The following FAM161A variants were observed in gnomAD, a reference collection of about 807,000 sequenced individuals.
FAM161A encodes the protein FAM161 centrosomal protein A.
Under a neutral mutation model 70.9 loss-of-function variants are expected in FAM161A, and 57 were observed. The ratio of observed to expected loss-of-function variants is 0.80; its 90% CI spans 0.65 to 1.00. FAM161A has a LOEUF of 1.00. Among genes scored for constraint, FAM161A ranks in the 50% least tolerant of loss-of-function variants. The probability of loss-of-function intolerance (pLI) is 0.00; values close to 1 mark genes in which losing one functional copy is unlikely to be tolerated. For synonymous variants in FAM161A, 299 were observed against 295.7 expected, an observed-to-expected ratio of 1.01 and a Z score of -0.12; for missense variants, 880 against 836.0, an observed-to-expected ratio of 1.05 and a Z score of -0.65.
At chr2:61,812,929 C>T in the FAM161A span, among the ~76,000 whole-genome samples, 12 of 151,322 alleles carry the variant, frequency 7.9e-5, no homozygotes, top group African/African-American at 2.7e-4. Flanking sequence ...ATTAGCTGGG[C>T]GTGGTGGCAG....
chr2:61,839,721 G>A lies in FAM161A; in HGVS notation c.1283C>T (p.Thr428Ile). 6.2e-7 allele frequency: 1 copy of A among 1,614,196 alleles called. No homozygotes were observed. Among genetic ancestry groups the A allele is most frequent in the South Asian group, 1.1e-5 (1 of 91,086 alleles). Residue 428 changes from threonine (T) to isoleucine (I), a missense_variant, in exon 3 of 7, where the codon ACT becomes ATT. By Grantham distance (89) the Thr-to-Ile change is moderately conservative (BLOSUM62 -1). Transcript: ENST00000404929. ...LKCKHKVRCP[T>I]PDFEDLPERY... ...CTCAGGAAGGTCCTCAAAATCAGGA[G>A]TTGGGCACCTAACCTTGTGTTTACA... is the stretch of plus-strand genomic sequence containing the variant.
In FAM161A at chr2:61,835,998, A is replaced by G. The variant is rs1672757557; in HGVS notation, c.1851+12T>C. 2 of 1,574,906 alleles carry G rather than the reference A, an allele frequency of 1.3e-6. No homozygotes were observed. Among genetic ancestry groups the G allele is most frequent in the Non-Finnish European group, 8.7e-7 (1 of 1,152,116 alleles). On this transcript the variant is annotated intron_variant, in intron 5 of 6. Transcript: ENST00000404929. Reference sequence around the variant, plus strand: ...AAACTGACGATAGCTCTTAAATTCCAATAAACACAACCTGAGCAACTCTTT... The same window carrying G: ...AAACTGACGATAGCTCTTAAATTCCGATAAACACAACCTGAGCAACTCTTT...
chr2:61,850,465 A>C (rs749341312), intron 1 of FAM161A, among the ~76,000 whole-genome samples: 4 of 152,186 alleles, frequency 2.6e-5, no homozygotes, highest in Non-Finnish European at 4.4e-5. Flanking sequence ...GTATATCGAC[A>C]GTGGAGCCAG....
At chr2:61,821,601 T>C (rs1672204210), downstream of FAM161A, among the ~76,000 whole-genome samples, 1 of 152,028 alleles carries the variant, frequency 6.6e-6, no homozygotes, top group Admixed American at 6.6e-5. Flanking sequence ...GAATATCTTT[T>C]TTTCTTTTTG....
At chr2:61,804,440 G>A in the FAM161A span, among the ~76,000 whole-genome samples, 1 of 152,024 alleles carries the variant, frequency 6.6e-6, no homozygotes, top group Non-Finnish European at 1.5e-5. Flanking sequence ...ACACCAGCAT[G>A]TTGGGAGGTC....
chr2:61,846,375 C>T (rs561308612), intron 1 of FAM161A, among the ~76,000 whole-genome samples: 231 of 152,232 alleles, frequency 1.5e-3, no homozygotes, highest in African/African-American at 5.4e-3. Context: ...TTACTGGTCA[C>T]GTGGTTTCAG....
chr2:61,844,634 G>A (rs1219009275), intron 1 of FAM161A, among the ~76,000 whole-genome samples: 2 of 152,194 alleles, frequency 1.3e-5, no homozygotes, highest in Admixed American at 6.5e-5. Flanking sequence ...AGGAGGTGGA[G>A]GTTGCAGTCA....
chr2:61,826,664 T>C, intron 6 of FAM161A, 65 bp from the exon 7 acceptor site: 4 of 1,366,684 alleles, frequency 2.9e-6, no homozygotes, highest in Non-Finnish European at 4.1e-6. Context: ...AAACAAACCC[T>C]CTGCAAGTAT....
the FAM161A span, among the ~76,000 whole-genome samples, chr2:61,808,840 C>T: frequency 6.6e-6 from 1 of 151,992 alleles, no homozygotes; most frequent in Non-Finnish European, 1.5e-5. Flanking sequence ...ACCAGAAAGA[C>T]CCAATCACTA....
chr2:61,801,802 C>G, the FAM161A span, among the ~76,000 whole-genome samples: 10 of 152,134 alleles, frequency 6.6e-5, no homozygotes, highest in East Asian at 1.6e-3. Context: ...CTCAGGTGAT[C>G]CGCCTGCCTC....
intron 1 of FAM161A, among the ~76,000 whole-genome samples, chr2:61,853,109 A>G (rs1673554276): frequency 6.6e-6 from 1 of 152,022 alleles, no homozygotes; most frequent in East Asian, 1.9e-4. Context: ...ACGGGGTTTC[A>G]CCATGTTGGT....
At chr2:61,815,001 G>C in the FAM161A span, among the ~76,000 whole-genome samples, 1 of 152,198 alleles carries the variant, frequency 6.6e-6, no homozygotes, top group South Asian at 2.1e-4. Flanking sequence ...TGAAGAGTGA[G>C]TGATCAGCTC....
chr2:61,820,408 G>A, downstream of FAM161A: 2 of 757,670 alleles, frequency 2.6e-6, no homozygotes, highest in South Asian at 2.7e-5. Flanking sequence ...GGTGGATGCA[G>A]CCATGAATGC....
At position 61,825,605 on chromosome 2, in the gene FAM161A, A is replaced by T. The variant is rs1022933031; in HGVS notation, c.*850T>A. ...ACAGTAAACTCTCAGTGCAAAAATA[A>T]ATGTAAATTTGCAAGTATCCATTTT... On this transcript the variant is annotated 3_prime_UTR_variant, in exon 7 of 7. Transcript: ENST00000404929. 5 of 442,432 alleles carry T rather than the reference A, an allele frequency of 1.1e-5. No homozygotes were observed. Among genetic ancestry groups the T allele is most frequent in the Non-Finnish European group, 2.2e-5 (5 of 224,048 alleles). The allele number at this position is 442,432 out of a possible 1,614,324, so 27.4% of individuals were successfully genotyped here. A position where few individuals can be genotyped will look rare whatever the true frequency, so the allele number is the denominator to read the frequency against.
the FAM161A span, among the ~76,000 whole-genome samples, chr2:61,819,580 G>A: frequency 0.27 from 41,315 of 152,104 alleles, 5,744 homozygotes; most frequent in African/African-American, 0.32. Flanking sequence ...TAATGTCATT[G>A]ACATTATCTT....
the FAM161A span, among the ~76,000 whole-genome samples, chr2:61,809,417 A>G: frequency 1.3e-5 from 2 of 152,164 alleles, no homozygotes; most frequent in East Asian, 3.8e-4. Flanking sequence ...GAGTATCTCC[A>G]GTCCAGACCT....
intron 2 of FAM161A, among the ~76,000 whole-genome samples, chr2:61,841,451 C>T (rs1673017409): frequency 6.6e-6 from 1 of 152,180 alleles, no homozygotes; most frequent in African/African-American, 2.4e-5. Context: ...TCAGATGTGA[C>T]ACTTTAGTGG....
chr2:61,838,477 G>C lies in FAM161A; in HGVS notation c.1751+61C>G. On this transcript the variant is annotated intron_variant, in intron 4 of 6. Coordinates refer to ENST00000404929, the MANE Select transcript of FAM161A (RefSeq NM_001201543.2). ...ATCTGCTCATATTTTACTATCTACT[G>C]ATTAAAAAAAAAAGAGTTTGAAAAC... 10 of 1,395,058 alleles carry C rather than the reference G, an allele frequency of 7.2e-6. No homozygotes were observed. In the Middle Eastern group the frequency reaches 5.5e-4, roughly 76 times the overall value. 86.4% of individuals were successfully genotyped at this position (1,395,058 alleles called of 1,614,324 possible).
Position 61,826,095 on chromosome 2 carries a change from AC to A in FAM161A, c.*359del. 1 of 470,406 alleles carries A rather than the reference AC, an allele frequency of 2.1e-6. No individual in the cohort carries two copies. Among genetic ancestry groups the A allele is most frequent in the Non-Finnish European group, 4.2e-6 (1 of 238,172 alleles). 29.1% of individuals were successfully genotyped at this position (470,406 alleles called of 1,614,324 possible). On this transcript the variant is annotated 3_prime_UTR_variant, in exon 7 of 7. Coordinates refer to ENST00000404929, the MANE Select transcript of FAM161A (RefSeq NM_001201543.2). ...ATTTTTAAAAAGTAAACCACCAAAG[AC>A]CAATACTTCTCTCTCCTTTCAATAC...
Sources: allele counts gnomAD v4.1 joint callset (sites outside exome capture counted in the v4.1 genomes callset), GRCh38; gene constraint gnomAD v4.1.1; transcripts MANE v1.5; gene names NCBI Gene and HGNC (gene_info 2026-07-23, HGNC 2026-07-21).